DDX19A: variants seen among roughly 807,000 people sequenced by gnomAD.
The protein encoded by DDX19A is ATP-dependent RNA helicase DDX19A.
In DDX19A, 12 loss-of-function variants were observed where a neutral mutation model predicts 60.6. That is an observed-to-expected ratio of 0.20 (90% CI 0.13 to 0.32). The LOEUF (loss-of-function observed/expected upper bound fraction) is 0.32. DDX19A is among the 10% of genes least tolerant of loss of function. The probability of loss-of-function intolerance (pLI) is 1.00; values close to 1 mark genes in which losing one functional copy is unlikely to be tolerated. For missense variants in DDX19A, 337 were observed against 600.6 expected (o/e 0.56, Z 4.59); for synonymous variants, 206 against 218.2 (o/e 0.94, Z 0.49).
intron 5 of DDX19A, among the ~76,000 whole-genome samples, chr16:70,363,075 C>T (rs982268635): frequency 6.6e-6 from 1 of 151,600 alleles, no homozygotes; most frequent in Non-Finnish European, 1.5e-5. Context: ...TGGTCTCAAA[C>T]TCCTGGCCTC....
chr16:70,365,912 G>A, intron 7 of DDX19A, 173 bp from the exon 8 acceptor site: 1 of 899,628 alleles, frequency 1.1e-6, no homozygotes, highest in Non-Finnish European at 1.7e-6. Context: ...TGAGATAGGT[G>A]TCATTCTGCC....
chr16:70,371,011 A>C, intron 10 of DDX19A: 1 of 344,040 alleles, frequency 2.9e-6, no homozygotes, highest in Non-Finnish European at 5.3e-6. Flanking sequence ...TAAAAAAAGA[A>C]AGAAAGAAAA....
chr16:70,359,580 G>T (rs942398235), intron 4 of DDX19A, among the ~76,000 whole-genome samples: 3 of 152,196 alleles, frequency 2.0e-5, no homozygotes, highest in African/African-American at 7.2e-5. Context: ...TGGTGTCCAG[G>T]TGCGGTGGCT....
At chr16:70,370,480 C>G in intron 10 of DDX19A, 95 bp downstream of exon 10, 2 of 1,495,320 alleles carry the variant, frequency 1.3e-6, no homozygotes, top group Non-Finnish European at 1.8e-6. Flanking sequence ...GTCGGATGGT[C>G]TCAGGGAGAT....
intron 2 of DDX19A, among the ~76,000 whole-genome samples, chr16:70,351,016 C>T (rs1211304266): frequency 1.3e-5 from 2 of 150,190 alleles, no homozygotes; most frequent in Non-Finnish European, 3.0e-5. Context: ...GTAGCTGGGA[C>T]TACAGGCGCT....
chr16:70,350,456 A>G lies in DDX19A; in HGVS notation c.58-101A>G, dbSNP rs767918866. The G allele has an allele frequency of 6.4e-6, 5 of 779,722 alleles. No individual in the cohort carries two copies. In the African/African-American group the frequency reaches 8.8e-5, roughly 14 times the overall value. The allele number at this position is 779,722 out of a possible 1,614,324, so 48.3% of individuals were successfully genotyped here. On this transcript the variant is annotated intron_variant, in intron 1 of 11. Coordinates refer to ENST00000302243, the MANE Select transcript of DDX19A (RefSeq NM_018332.5). ...CCGACTCCCTGAATACTGGTGCTGA[A>G]AGTTTCACACTAGACTTTTACTAGA...
At chr16:70,349,456 G>A (rs1263146703) in intron 1 of DDX19A, among the ~76,000 whole-genome samples, 1 of 152,192 alleles carries the variant, frequency 6.6e-6, no homozygotes, top group Non-Finnish European at 1.5e-5. Flanking sequence ...TCAGTTCTAG[G>A]AATGATGGGA....
intron 4 of DDX19A, among the ~76,000 whole-genome samples, chr16:70,357,587 T>C (rs918864022): frequency 6.6e-6 from 1 of 151,804 alleles, no homozygotes; most frequent in Non-Finnish European, 1.5e-5. Context: ...GGTTTCACTA[T>C]GTTGGGCAGG....
intron 8 of DDX19A, 60 bp from the exon 9 acceptor site, chr16:70,366,564 C>T: frequency 6.2e-7 from 1 of 1,604,344 alleles, no homozygotes; most frequent in Non-Finnish European, 8.5e-7. Flanking sequence ...GCTGGGGAGG[C>T]TGTGCTTCCG....
chr16:70,350,536 T>G, intron 1 of DDX19A, 21 bp from the exon 2 acceptor site: 1 of 1,601,208 alleles, frequency 6.2e-7, no homozygotes, highest in Non-Finnish European at 8.5e-7. Context: ...CTTAACTCTG[T>G]TTTCTTTTAT....
chr16:70,349,246 A>G (rs1464035541), intron 1 of DDX19A, among the ~76,000 whole-genome samples: 1 of 152,150 alleles, frequency 6.6e-6, no homozygotes, highest in Non-Finnish European at 1.5e-5. Context: ...TCCGGTAGCA[A>G]ATTGTAACAG....
intron 4 of DDX19A, among the ~76,000 whole-genome samples, chr16:70,357,531 G>A (rs149539879): frequency 0.011 from 1,664 of 151,082 alleles, 25 homozygotes; most frequent in African/African-American, 0.038. Context: ...GACTACAGGC[G>A]TGTGCCACAA....
chr16:70,357,421 G>A (rs1390660567), intron 4 of DDX19A, among the ~76,000 whole-genome samples: 2 of 91,784 alleles, frequency 2.2e-5, no homozygotes. Flanking sequence ...GTCGTGCTCT[G>A]TTGCACAGGC....
At chr16:70,364,701 C>T (rs1429571197) in intron 6 of DDX19A, 56 bp downstream of exon 6, 1 of 1,326,526 alleles carries the variant, frequency 7.5e-7, no homozygotes, top group African/African-American at 1.4e-5. Flanking sequence ...AGCGCAGTGC[C>T]ATCTGGTGAG....
chr16:70,368,769 C>G (rs2151644856), intron 9 of DDX19A, among the ~76,000 whole-genome samples: 1 of 152,254 alleles, frequency 6.6e-6, no homozygotes, highest in South Asian at 2.1e-4. Flanking sequence ...TTGCTTGTTG[C>G]ATTTAGTTGT....
At chr16:70,357,270 A>T (rs866094527) in intron 4 of DDX19A, among the ~76,000 whole-genome samples, 2,669 of 123,004 alleles carry the variant, frequency 0.022, 50 homozygotes, top group Admixed American at 0.025. Flanking sequence ...AAAAAAAAAA[A>T]ATATATATAT....
intron 1 of DDX19A, 26 bp downstream of exon 1, chr16:70,347,074 A>G: frequency 6.2e-7 from 1 of 1,602,264 alleles, no homozygotes; most frequent in Non-Finnish European, 8.5e-7. Flanking sequence ...CCTGGCGAGG[A>G]GGACGTAGCA....
intron 7 of DDX19A, chr16:70,365,615 AAAT>A: frequency 9.5e-6 from 2 of 209,624 alleles, no homozygotes; most frequent in Admixed American, 1.1e-4. Context: ...GTAAGACAAA[AAAT>A]AAAAAAAAAA....
At chr16:70,359,048 T>G (rs1964298516) in intron 4 of DDX19A, among the ~76,000 whole-genome samples, 1 of 152,224 alleles carries the variant, frequency 6.6e-6, no homozygotes, top group Admixed American at 6.6e-5. Flanking sequence ...AGCTCTCAGT[T>G]TAACCACTGA....
Sources: allele counts gnomAD v4.1 joint callset (sites outside exome capture counted in the v4.1 genomes callset), GRCh38; gene constraint gnomAD v4.1.1; transcripts MANE v1.5; gene names NCBI Gene and HGNC (gene_info 2026-07-23, HGNC 2026-07-21).